The following MYO16 variants were observed in gnomAD, a reference collection of about 807,000 sequenced individuals.
The protein encoded by MYO16 is unconventional myosin-XVI.
A neutral mutation model predicts 205.3 loss-of-function variants in MYO16; 94 were observed. The observed-to-expected ratio is 0.46, with a 90% confidence interval of 0.39 to 0.54. The LOEUF is 0.54. Ranked by LOEUF, MYO16 falls within the 20% of genes least tolerant of loss-of-function variation. The pLI is 0.00. For synonymous variants in MYO16, 988 were observed against 954.0 expected (o/e 1.04, Z -0.66); for missense variants, 2,315 against 2,387.5 (o/e 0.97, Z 0.63).
chr13:108,600,103 C>G (rs1405502372), intron 1 of MYO16, among the ~76,000 whole-genome samples: 3 of 152,150 alleles, frequency 2.0e-5, no homozygotes, highest in Non-Finnish European at 4.4e-5. Context: ...TTTACCTAAT[C>G]CTTGACTTTT....
intron 1 of MYO16, among the ~76,000 whole-genome samples, chr13:108,662,935 T>C (rs1881568143): frequency 1.3e-5 from 2 of 152,182 alleles, no homozygotes; most frequent in Non-Finnish European, 1.5e-5. Flanking sequence ...TTTCTGCTGC[T>C]TCCTCTACCC....
chr13:109,117,515 GTATA>G (rs542215314), intron 28 of MYO16, among the ~76,000 whole-genome samples: 2 of 147,352 alleles, frequency 1.4e-5, no homozygotes, highest in African/African-American at 2.5e-5. Context: ...ATATATGTAT[GTATA>G]TATATATACA....
intron 28 of MYO16, among the ~76,000 whole-genome samples, chr13:109,107,913 T>C (rs900857349): frequency 2.6e-5 from 4 of 151,210 alleles, no homozygotes; most frequent in Non-Finnish European, 5.9e-5. Context: ...ACACACGCCA[T>C]ATACATATAT....
In MYO16 at chr13:109,055,503, T is replaced by A. The variant is rs1438333822; in HGVS notation, c.3243T>A (p.Ser1081=). ...LPDTFDNFYV[S]AQLQYIGVLE... ...ATACTTTTGATAATTTTTACGTGTC[T>A]GCTCAGCTACAATATATTGGGGTCC... is the stretch of plus-strand genomic sequence containing the variant. Residue 1081 remains serine (S), a synonymous_variant, in exon 27 of 35, where the codon TCT becomes TCA. Coordinates refer to ENST00000457511, the MANE Select transcript of MYO16 (RefSeq NM_001198950.3). The surrounding 1 kb of genome is among the most constrained non-coding windows in gnomAD (Gnocchi z 5.0). 6.8e-6 allele frequency: 11 copies of A among 1,613,060 alleles called. No homozygotes were observed. The highest frequency in any genetic ancestry group is 9.3e-6 in the Non-Finnish European group (11 of 1,179,396).
intron 31 of MYO16, among the ~76,000 whole-genome samples, chr13:109,138,669 A>G (rs1023290526): frequency 6.6e-6 from 1 of 151,958 alleles, no homozygotes; most frequent in Non-Finnish European, 1.5e-5. Context: ...CCTGTTGAGT[A>G]TGTGTTTTTG....
intron 2 of MYO16, among the ~76,000 whole-genome samples, chr13:108,666,948 A>C (rs974451313): frequency 1.3e-5 from 2 of 152,230 alleles, no homozygotes; most frequent in African/African-American, 4.8e-5. Context: ...AAACAGATAT[A>C]AATCAATTTA....
chr13:109,032,288 A>G (rs1399472355), intron 23 of MYO16, among the ~76,000 whole-genome samples: 2 of 152,166 alleles, frequency 1.3e-5, no homozygotes, highest in Non-Finnish European at 2.9e-5. Flanking sequence ...ATCCTTCGCT[A>G]TCAAAACCTC....
intron 3 of MYO16, among the ~76,000 whole-genome samples, chr13:108,714,647 ATT>A (rs1883871187): frequency 6.8e-6 from 1 of 147,828 alleles, no homozygotes; most frequent in Non-Finnish European, 1.5e-5. Context: ...AGATATGTTA[ATT>A]TTTATATTTT....
intron 5 of MYO16, among the ~76,000 whole-genome samples, chr13:108,786,826 T>G (rs1323825348): frequency 6.6e-6 from 1 of 152,216 alleles, no homozygotes; most frequent in Non-Finnish European, 1.5e-5. Flanking sequence ...GGGTTAGCAG[T>G]GCATTCAGTT....
intron 23 of MYO16, among the ~76,000 whole-genome samples, chr13:109,034,900 A>G (rs1356575663): frequency 6.6e-6 from 1 of 152,192 alleles, no homozygotes; most frequent in Admixed American, 6.5e-5. Context: ...TGAAGTGGCC[A>G]GAGATCAAAA....
chr13:108,883,793 T>G (rs1350953786), intron 13 of MYO16, among the ~76,000 whole-genome samples: 1 of 152,126 alleles, frequency 6.6e-6, no homozygotes, highest in Non-Finnish European at 1.5e-5. Flanking sequence ...ACTTGGCTAA[T>G]TTTTTAATTT....
the MYO16 span, among the ~76,000 whole-genome samples, chr13:108,583,176 T>TA: frequency 6.6e-6 from 1 of 152,198 alleles, no homozygotes; most frequent in African/African-American, 2.4e-5. Flanking sequence ...CATTTCTACT[T>TA]AAAAAAATCA....
intron 8 of MYO16, among the ~76,000 whole-genome samples, chr13:108,822,561 A>G (rs1594320885): frequency 6.6e-6 from 1 of 152,146 alleles, no homozygotes; most frequent in Non-Finnish European, 1.5e-5. Context: ...ACGTGTTCAG[A>G]TGTTACTGTT....
intron 21 of MYO16, among the ~76,000 whole-genome samples, chr13:109,002,374 GT>G (rs1403531779): frequency 6.6e-6 from 1 of 152,204 alleles, no homozygotes; most frequent in Non-Finnish European, 1.5e-5. Context: ...TCAAGAAATT[GT>G]TTGTCATTAA....
chr13:108,905,789 A>C (rs1880943918), intron 15 of MYO16, among the ~76,000 whole-genome samples: 1 of 151,790 alleles, frequency 6.6e-6, no homozygotes, highest in Non-Finnish European at 1.5e-5. Context: ...AACTTTCCTC[A>C]AGAGCTTACT....
intron 5 of MYO16, among the ~76,000 whole-genome samples, chr13:108,790,928 A>G (rs1401732323): frequency 6.6e-6 from 1 of 152,212 alleles, no homozygotes; most frequent in African/African-American, 2.4e-5. Context: ...TTTTAAATAC[A>G]TAATTATATA....
At chr13:109,048,487 C>T in intron 24 of MYO16, 1 of 512,870 alleles carries the variant, frequency 1.9e-6, no homozygotes. Context: ...AGTTACTCAC[C>T]TCTGCTGTTA....
At chr13:108,704,094 T>C (rs1883411287) in intron 2 of MYO16, among the ~76,000 whole-genome samples, 1 of 152,172 alleles carries the variant, frequency 6.6e-6, no homozygotes, top group Non-Finnish European at 1.5e-5. Context: ...TGCCAACACC[T>C]TGATCTTGGA....
intron 2 of MYO16, among the ~76,000 whole-genome samples, chr13:108,707,419 C>A (rs1883553121): frequency 1.3e-5 from 2 of 152,090 alleles, no homozygotes; most frequent in Non-Finnish European, 2.9e-5. Context: ...CAATTTGTAT[C>A]TTTACGAAGT....
Sources: gnomAD v4.1 joint callset for allele counts (sites outside exome capture counted in the v4.1 genomes callset) on GRCh38, gnomAD v4.1.1 for gene constraint, Gnocchi (gnomAD v3.1) non-coding constraint, MANE v1.5 for transcripts, NCBI Gene and HGNC (gene_info 2026-07-23, HGNC 2026-07-21) for gene names.